SLCO1B3: variants seen among roughly 807,000 people sequenced by gnomAD.
SLCO1B3 encodes liver-specific organic anion transporter 2.
A neutral mutation model predicts 71.8 loss-of-function variants in SLCO1B3; 72 were observed. The ratio of observed to expected loss-of-function variants is 1.00; its 90% CI spans 0.83 to 1.22. The LOEUF (loss-of-function observed/expected upper bound fraction) is 1.22. Among genes scored for constraint, SLCO1B3 ranks in the 50% most tolerant of loss-of-function variants. The probability of loss-of-function intolerance (pLI) is 0.00; values close to 1 mark genes in which losing one functional copy is unlikely to be tolerated. For synonymous variants in SLCO1B3, 298 were observed against 278.4 expected (o/e 1.07, Z -0.70); for missense variants, 911 against 819.7 (o/e 1.11, Z -1.36).
At chr12:20,872,391 G>C (rs1865492521) in intron 8 of SLCO1B3, among the ~76,000 whole-genome samples, 1 of 151,798 alleles carries the variant, frequency 6.6e-6, no homozygotes, top group Non-Finnish European at 1.5e-5. Context: ...CCTGGACTCA[G>C]GGACCCCAAA....
chr12:20,816,813 C>T (rs1233045779), intron 3 of SLCO1B3, among the ~76,000 whole-genome samples: 1 of 152,060 alleles, frequency 6.6e-6, no homozygotes, highest in Non-Finnish European at 1.5e-5. Context: ...TTATTGCTAC[C>T]AACAGTGTAC....
rs1398097786 is a variant in SLCO1B3 at position 20,861,079 on chromosome 12, C to G, written c.422C>G (p.Thr141Ser). 2.5e-6 allele frequency: 4 copies of G among 1,603,578 alleles called. No homozygotes were observed. In the Admixed American group the frequency reaches 6.8e-5, roughly 27 times the overall value. Residue 141 changes from threonine (T) to serine (S), a missense_variant, in exon 6 of 16, where the codon ACC becomes AGC. Physicochemically the swap from Thr to Ser is moderately conservative, Grantham distance 58. Coordinates refer to ENST00000381545, the MANE Select transcript of SLCO1B3 (RefSeq NM_019844.4). ...GAAAATTCAACATCAAGTTTATCAA[C>G]CTGTTTAATTAATCAAACCTTATCA... ...PSENSTSSLS[T>S]CLINQTLSFN...
chr12:20,875,159 T>A, intron 8 of SLCO1B3, 76 bp from the exon 9 acceptor site: 6 of 1,512,512 alleles, frequency 4.0e-6, no homozygotes, highest in Non-Finnish European at 5.4e-6. Flanking sequence ...AGGACTGCAA[T>A]CATTATCATT....
chr12:20,852,372 AG>A (rs903032698), intron 3 of SLCO1B3, among the ~76,000 whole-genome samples: 8 of 152,140 alleles, frequency 5.3e-5, no homozygotes, highest in African/African-American at 1.9e-4. Flanking sequence ...CCAGCTATTG[AG>A]GAGGCTGAGG....
chr12:20,913,554 C>T (rs77207195), intron 15 of SLCO1B3, among the ~76,000 whole-genome samples: 6,253 of 152,050 alleles, frequency 0.041, 184 homozygotes, highest in East Asian at 0.12. Context: ...CTTTTTTATC[C>T]TTCATAAATT....
intron 8 of SLCO1B3, among the ~76,000 whole-genome samples, chr12:20,874,854 T>G (rs1308183062): frequency 6.6e-6 from 1 of 152,174 alleles, no homozygotes; most frequent in African/African-American, 2.4e-5. Flanking sequence ...CTTGACCTCA[T>G]TAGATGATTC....
chr12:20,834,454 G>A (rs1864628276), intron 3 of SLCO1B3, among the ~76,000 whole-genome samples: 2 of 146,006 alleles, frequency 1.4e-5, no homozygotes, highest in African/African-American at 5.0e-5. Context: ...ACCTTAGGTA[G>A]GGTAATGATT....
chr12:20,827,253 G>A (rs1388831978), intron 3 of SLCO1B3, among the ~76,000 whole-genome samples: 1 of 152,092 alleles, frequency 6.6e-6, no homozygotes, highest in Non-Finnish European at 1.5e-5. Context: ...AAACAATAAT[G>A]TGAATTGACA....
intron 8 of SLCO1B3, among the ~76,000 whole-genome samples, chr12:20,863,993 C>G (rs1865323651): frequency 1.3e-5 from 2 of 151,906 alleles, no homozygotes. Context: ...AAAAGCTGGT[C>G]TCATCGTCTG....
In SLCO1B3 at chr12:20,891,159, C is replaced by G. The variant is rs151114922; in HGVS notation, c.1683-7277C>G. The stretch of plus-strand genomic sequence containing the variant: ...TGTTTCCATAATGATAAGTATTGCT[C>G]TTTCATTTCTATATGTTAGAACTCC... On this transcript the variant is annotated intron_variant, in intron 13 of 15. Coordinates refer to ENST00000381545, the MANE Select transcript of SLCO1B3 (RefSeq NM_019844.4). Among the ~76,000 whole-genome samples the G allele has an allele frequency of 2.6e-4, 40 of 152,004 alleles. No individual in the cohort carries two copies. In the East Asian group the frequency reaches 7.5e-3, roughly 29 times the overall value.
Position 20,875,326 on chromosome 12 carries a change from C to A in SLCO1B3, c.819C>A (p.Ser273=). Residue 273 remains serine, a synonymous_variant, in exon 9 of 16, where the codon TCC becomes TCA. Transcript: ENST00000381545. ...CTGGACTATTTTCCATTATTTCTTCCATACCATTTTTTTTCTTGCCGAAAA... is the reference window on the plus strand; with the variant it reads ...CTGGACTATTTTCCATTATTTCTTCAATACCATTTTTTTTCTTGCCGAAAA... ...LVSGLFSIIS[S]IPFFFLPKNP... is the part of the protein sequence containing the mutation. 1 of 1,613,292 alleles carries A rather than the reference C, an allele frequency of 6.2e-7. No individual in the cohort carries two copies. The highest frequency in any genetic ancestry group is 8.5e-7 in the Non-Finnish European group (1 of 1,179,568).
chr12:20,908,934 AT>A (rs1866309976), intron 15 of SLCO1B3, among the ~76,000 whole-genome samples: 5 of 152,172 alleles, frequency 3.3e-5, no homozygotes, highest in Admixed American at 3.3e-4. Context: ...TATGATAAAA[AT>A]ATGTATAGTT....
intron 3 of SLCO1B3, among the ~76,000 whole-genome samples, chr12:20,827,778 C>T (rs1022529712): frequency 3.3e-5 from 5 of 152,102 alleles, no homozygotes; most frequent in African/African-American, 7.2e-5. Context: ...CCATATTGGC[C>T]AGGCTGCTCT....
At chr12:20,887,696 A>T (rs868287697) in intron 13 of SLCO1B3, among the ~76,000 whole-genome samples, 48 of 142,002 alleles carry the variant, frequency 3.4e-4, no homozygotes, top group South Asian at 1.6e-3. Context: ...TATTATTATT[A>T]TTTTTTTTTT....
At chr12:20,877,121 A>G (rs2121296955) in intron 9 of SLCO1B3, among the ~76,000 whole-genome samples, 1 of 152,262 alleles carries the variant, frequency 6.6e-6, no homozygotes, top group African/African-American at 2.4e-5. Context: ...GTGAGCCACC[A>G]TGCCCAGCCA....
At chr12:20,879,367 A>C (rs1443659742) in intron 10 of SLCO1B3, 69 bp from the exon 11 acceptor site, 3 of 1,148,148 alleles carry the variant, frequency 2.6e-6, no homozygotes, top group Non-Finnish European at 3.8e-6. Flanking sequence ...ACTGTGTTTT[A>C]TATATAAAGA....
intron 3 of SLCO1B3, among the ~76,000 whole-genome samples, chr12:20,836,859 T>C (rs977744443): frequency 1.8e-4 from 28 of 152,288 alleles, no homozygotes; most frequent in Admixed American, 1.6e-3. Flanking sequence ...GCCAGGATGG[T>C]CTCGATCTCC....
At chr12:20,885,263 C>G (rs146858534) in intron 13 of SLCO1B3, among the ~76,000 whole-genome samples, 1 of 152,182 alleles carries the variant, frequency 6.6e-6, no homozygotes, top group East Asian at 1.9e-4. Flanking sequence ...TAATGATTTT[C>G]TAATGCTTGC....
At chr12:20,825,503 T>G (rs532749115) in intron 3 of SLCO1B3, among the ~76,000 whole-genome samples, 1 of 152,098 alleles carries the variant, frequency 6.6e-6, no homozygotes, top group South Asian at 2.1e-4. Context: ...GCCCTTTAAT[T>G]TAACAGAATA....
Sources: gnomAD v4.1 joint callset for allele counts (sites outside exome capture counted in the v4.1 genomes callset) on GRCh38, gnomAD v4.1.1 for gene constraint, MANE v1.5 for transcripts, NCBI Gene and HGNC (gene_info 2026-07-23, HGNC 2026-07-21) for gene names.